Variants in CYFIP2 observed in about 807,000 individuals in gnomAD.
CYFIP2 encodes the protein cytoplasmic FMR1-interacting protein 2.
In CYFIP2, 29 loss-of-function variants were observed where a neutral mutation model predicts 158.7. The ratio of observed to expected loss-of-function variants is 0.18; its 90% confidence interval spans 0.14 to 0.25. The LOEUF is 0.25. Ranked by LOEUF, CYFIP2 falls within the 10% of genes least tolerant of loss-of-function variation. CYFIP2 has a pLI of 1.00. For missense variants in CYFIP2, 852 were observed against 1,639.5 expected, an observed-to-expected ratio of 0.52 and a Z score of 8.29; for synonymous variants, 585 against 617.6, an observed-to-expected ratio of 0.95 and a Z score of 0.78.
chr5:157,373,504 C>T lies in CYFIP2; in HGVS notation c.3040-9086C>T, dbSNP rs557080345. On this transcript the variant is annotated intron_variant, in intron 26 of 30. Transcript: ENST00000620254. ...GAAGGCCCCACTAAAATGGGGTTGC[C>T]GAGATGTGTTGGGAGAAAGAGCATG... 2.0e-4 allele frequency among the ~76,000 whole-genome samples: 30 copies of T among 152,114 alleles called. 1 individual carries two copies. In the East Asian group the frequency reaches 5.8e-3, roughly 29 times the overall value.
intron 1 of CYFIP2, among the ~76,000 whole-genome samples, chr5:157,267,364 C>T (rs1755690107): frequency 6.6e-6 from 1 of 152,194 alleles, no homozygotes; most frequent in African/African-American, 2.4e-5. Context: ...TGTCTGTGTC[C>T]CAGTTAGGGC....
chr5:157,311,598 C>T lies in CYFIP2; in HGVS notation c.993-66C>T, dbSNP rs1759731422. ...CACGTGGGCTGAGCACCAGGAGCAG[C>T]TAATGCCTGTTCCACCCAGGCGCCT... On this transcript the variant is annotated intron_variant, in intron 10 of 30. Transcript: ENST00000620254. This position sits in a 1 kb window ranked among gnomAD's most constrained non-coding sequence, Gnocchi z 4.7. The T allele has an allele frequency of 7.0e-7, 1 of 1,431,632 alleles. No homozygotes were observed. The highest frequency in any genetic ancestry group is 1.3e-5 in the South Asian group (1 of 77,968). The allele number at this position is 1,431,632 out of a possible 1,614,324, so 88.7% of individuals were successfully genotyped here.
intron 21 of CYFIP2, among the ~76,000 whole-genome samples, chr5:157,336,215 T>C (rs1386398486): frequency 6.6e-6 from 1 of 152,184 alleles, no homozygotes; most frequent in Non-Finnish European, 1.5e-5. Flanking sequence ...TGGGAGAGGT[T>C]GCAAAGATTT....
chr5:157,346,169 TA>T (rs1159223719), intron 23 of CYFIP2, among the ~76,000 whole-genome samples: 1 of 152,138 alleles, frequency 6.6e-6, no homozygotes, highest in Non-Finnish European at 1.5e-5. Flanking sequence ...CCATCATCTG[TA>T]AAGCTGTGGG....
At chr5:157,387,725 CTG>C in intron 28 of CYFIP2, among the ~76,000 whole-genome samples, 2 of 151,012 alleles carry the variant, frequency 1.3e-5, no homozygotes, top group African/African-American at 4.9e-5. Flanking sequence ...CTATGGCAAT[CTG>C]AGCAGTTCCC....
At chr5:157,325,762 C>T in intron 17 of CYFIP2, 124 bp downstream of exon 17, 5 of 1,036,750 alleles carry the variant, frequency 4.8e-6, no homozygotes, top group East Asian at 2.7e-5. Context: ...ATATGTCCCA[C>T]CACAGGGAGA....
chr5:157,302,652 A>T, intron 6 of CYFIP2, 142 bp from the exon 7 acceptor site: 1 of 610,422 alleles, frequency 1.6e-6, no homozygotes, highest in Non-Finnish European at 2.9e-6. Context: ...TTTCGACATT[A>T]GTGTTGCCTG....
intron 26 of CYFIP2, among the ~76,000 whole-genome samples, chr5:157,366,119 A>T (rs1341637504): frequency 6.6e-6 from 1 of 152,142 alleles, no homozygotes; most frequent in Non-Finnish European, 1.5e-5. Context: ...AGCCTCATAA[A>T]CAATTTGTCC....
intron 5 of CYFIP2, among the ~76,000 whole-genome samples, chr5:157,299,992 T>C (rs983063261): frequency 2.0e-5 from 3 of 152,200 alleles, no homozygotes; most frequent in African/African-American, 7.2e-5. Context: ...TTTCCTGCTC[T>C]ACCCCGGGAC....
At chr5:157,281,959 T>C (rs1346346161) in intron 1 of CYFIP2, among the ~76,000 whole-genome samples, 1 of 152,162 alleles carries the variant, frequency 6.6e-6, no homozygotes, top group Non-Finnish European at 1.5e-5. Flanking sequence ...CTCCATACCA[T>C]GTCCTGGAGA....
chr5:157,345,087 A>T (rs1021943629), intron 23 of CYFIP2, among the ~76,000 whole-genome samples: 1 of 152,274 alleles, frequency 6.6e-6, no homozygotes, highest in Non-Finnish European at 1.5e-5. Flanking sequence ...AGGGAAGGTC[A>T]TCATGAAGGA....
At chr5:157,289,583 C>A (rs1045457210) in intron 3 of CYFIP2, among the ~76,000 whole-genome samples, 2 of 152,184 alleles carry the variant, frequency 1.3e-5, no homozygotes, top group Non-Finnish European at 2.9e-5. Flanking sequence ...TCTGTGTGCA[C>A]ACATCTCTGG....
intron 26 of CYFIP2, among the ~76,000 whole-genome samples, chr5:157,366,638 G>T (rs1232200855): frequency 1.3e-5 from 2 of 152,114 alleles, no homozygotes; most frequent in Non-Finnish European, 2.9e-5. Context: ...TGCTATGTCT[G>T]TCATTTATCT....
intron 23 of CYFIP2, chr5:157,343,666 A>C: frequency 2.5e-6 from 2 of 804,990 alleles, no homozygotes; most frequent in Non-Finnish European, 3.8e-6. Flanking sequence ...CTTACAGACA[A>C]AGAAATGGAG....
intron 30 of CYFIP2, 107 bp downstream of exon 30, chr5:157,390,775 C>T: frequency 6.6e-7 from 1 of 1,506,552 alleles, no homozygotes; most frequent in Non-Finnish European, 9.0e-7. Context: ...CAGCTCCCCA[C>T]ACGGCAAGTA....
At position 157,294,815 on chromosome 5, in the gene CYFIP2, G is replaced by C; in HGVS notation, c.240G>C (p.Ala80=). 2.5e-6 allele frequency: 4 copies of C among 1,613,752 alleles called. No individual in the cohort carries two copies. In the South Asian group the frequency reaches 4.4e-5, roughly 18 times the overall value. The change falls in exon 4 of 31, where the codon GCG becomes GCC. Residue 80 remains alanine, a synonymous_variant. Coordinates refer to ENST00000620254, the MANE Select transcript of CYFIP2 (RefSeq NM_001037333.3). ...NEMLEEGHEY[A]VMLYTWRSCS... Reference sequence around the variant, plus strand: ...TGCTGGAGGAAGGACATGAGTATGCGGTCATGCTGTACACCTGGCGCAGCT... The same window carrying C: ...TGCTGGAGGAAGGACATGAGTATGCCGTCATGCTGTACACCTGGCGCAGCT...
chr5:157,280,650 A>G (rs1222721903), intron 1 of CYFIP2, among the ~76,000 whole-genome samples: 1 of 152,130 alleles, frequency 6.6e-6, no homozygotes, highest in Non-Finnish European at 1.5e-5. Flanking sequence ...AATTTGAAAC[A>G]TATATAAAAT....
At chr5:157,317,915 T>G (rs1471741975) in intron 13 of CYFIP2, among the ~76,000 whole-genome samples, 1 of 152,200 alleles carries the variant, frequency 6.6e-6, no homozygotes, top group African/African-American at 2.4e-5. Flanking sequence ...CTGCATGGGT[T>G]TGTCTCTAGA....
At chr5:157,304,170 CT>C in intron 7 of CYFIP2, 67 bp from the exon 8 acceptor site, 1 of 1,545,910 alleles carries the variant, frequency 6.5e-7, no homozygotes. Flanking sequence ...TGTAGGGCTT[CT>C]GCAGGGGTGC....
Sources: gnomAD v4.1 joint callset for allele counts (sites outside exome capture counted in the v4.1 genomes callset) on GRCh38, gnomAD v4.1.1 for gene constraint, Gnocchi (gnomAD v3.1) non-coding constraint, MANE v1.5 for transcripts, NCBI Gene and HGNC (gene_info 2026-07-23, HGNC 2026-07-21) for gene names.